AKAP7: variants seen among roughly 807,000 people sequenced by gnomAD.
AKAP7 encodes A-kinase anchoring protein 7, also known as A kinase (PRKA) anchor protein 7.
Under a neutral mutation model 39.5 loss-of-function variants are expected in AKAP7, and 39 were observed. The observed-to-expected ratio is 0.99, with a 90% CI of 0.76 to 1.29. The LOEUF (loss-of-function observed/expected upper bound fraction) is 1.29. Ranked by LOEUF, AKAP7 falls within the 50% of genes most tolerant of loss-of-function variation. AKAP7 has a pLI of 0.00. For synonymous variants in AKAP7, 140 were observed against 139.1 expected (o/e 1.01, Z -0.05); for missense variants, 414 against 407.7 (o/e 1.02, Z -0.13).
At chr6:131,206,189 T>A (rs760794071) in intron 6 of AKAP7, among the ~76,000 whole-genome samples, 10 of 152,358 alleles carry the variant, frequency 6.6e-5, no homozygotes, top group Non-Finnish European at 1.2e-4. Flanking sequence ...CAGTTGTTTT[T>A]AATCACAAAT....
intron 6 of AKAP7, among the ~76,000 whole-genome samples, chr6:131,202,927 C>A (rs139200908): frequency 6.6e-6 from 1 of 151,956 alleles, no homozygotes; most frequent in African/African-American, 2.4e-5. Flanking sequence ...TATGGGGATT[C>A]GCAAGTCAGC....
Position 131,178,306 on chromosome 6 carries a change from T to C in AKAP7, c.589+9033T>C, listed in dbSNP as rs184357730. ...TCCTTCAGTTTCTTTATTTGTGCAATGGGCATAATAGTAACCGTTCTGAAA... is the reference window on the plus strand; with the variant it reads ...TCCTTCAGTTTCTTTATTTGTGCAACGGGCATAATAGTAACCGTTCTGAAA... On this transcript the variant is annotated intron_variant, in intron 5 of 7. Transcript: ENST00000431975. 2.1e-3 allele frequency among the ~76,000 whole-genome samples: 324 copies of C among 152,266 alleles called. 1 individual carries two copies. The highest frequency in any genetic ancestry group is 7.5e-3 in the African/African-American group (312 of 41,556).
At chr6:131,159,626 G>C (rs916535786) in intron 2 of AKAP7, among the ~76,000 whole-genome samples, 2 of 152,184 alleles carry the variant, frequency 1.3e-5, no homozygotes, top group Non-Finnish European at 2.9e-5. Flanking sequence ...CCAAAACTTT[G>C]TGTGGCAGTA....
rs3777485 is a variant in AKAP7 at position 131,258,663 on chromosome 6, G to C, written c.851-22867G>C. 1.8e-4 allele frequency among the ~76,000 whole-genome samples: 27 copies of C among 152,272 alleles called. No individual in the cohort carries two copies. In the East Asian group the frequency reaches 5.2e-3, roughly 29 times the overall value. Reference sequence around the variant, plus strand: ...TCTTTGCCCTTAGCAAATAGTCATAGACAAAAGCGGAACTGTATGATGAAA... The same window carrying C: ...TCTTTGCCCTTAGCAAATAGTCATACACAAAAGCGGAACTGTATGATGAAA... On this transcript the variant is annotated intron_variant, in intron 7 of 7. Transcript: ENST00000431975.
In AKAP7 at chr6:131,194,903, C is replaced by G. The variant is rs191008362; in HGVS notation, c.590-4558C>G. Among the ~76,000 whole-genome samples the G allele has an allele frequency of 5.3e-5, 8 of 152,086 alleles. No homozygotes were observed. In the East Asian group the frequency reaches 1.5e-3, roughly 29 times the overall value. On this transcript the variant is annotated intron_variant, in intron 5 of 7. Coordinates refer to ENST00000431975, the MANE Select transcript of AKAP7 (RefSeq NM_016377.4). ...TGGCATGGGATTTCTTTTTTCTATC[C>G]TTTTTTTCCCAGTCTGTGTGCATCT...
intron 7 of AKAP7, among the ~76,000 whole-genome samples, chr6:131,264,506 A>T (rs1028094861): frequency 3.3e-5 from 5 of 152,218 alleles, no homozygotes; most frequent in Admixed American, 6.5e-5. Context: ...TTCAAGAAAT[A>T]TATTGTATAA....
chr6:131,158,307 C>T (rs1802604956), intron 2 of AKAP7, among the ~76,000 whole-genome samples: 2 of 152,076 alleles, frequency 1.3e-5, no homozygotes, highest in South Asian at 2.1e-4. Flanking sequence ...GTGGGTTGAG[C>T]CCAGACTTCT....
At chr6:131,252,301 C>T (rs1043776838) in intron 7 of AKAP7, among the ~76,000 whole-genome samples, 1 of 152,142 alleles carries the variant, frequency 6.6e-6, no homozygotes, top group Non-Finnish European at 1.5e-5. Flanking sequence ...AAATGAAGCC[C>T]GAGTCTGGAG....
intron 6 of AKAP7, among the ~76,000 whole-genome samples, chr6:131,211,748 G>A (rs1349681343): frequency 6.9e-6 from 1 of 145,468 alleles, no homozygotes; most frequent in East Asian, 2.0e-4. Context: ...ACTCCAGCCT[G>A]GGAGACAGAG....
At chr6:131,273,811 T>C (rs1239640358) in intron 7 of AKAP7, among the ~76,000 whole-genome samples, 10 of 152,184 alleles carry the variant, frequency 6.6e-5, no homozygotes. Flanking sequence ...GGTTTTTTCT[T>C]TGACATTTCT....
At chr6:131,250,229 T>TA in intron 7 of AKAP7, 1 of 1,034,986 alleles carries the variant, frequency 9.7e-7, no homozygotes, top group Non-Finnish European at 1.2e-6. Flanking sequence ...TAAAGACATA[T>TA]GCAAATAGCC....
At chr6:131,156,843 C>T (rs1028965437) in intron 2 of AKAP7, among the ~76,000 whole-genome samples, 6 of 150,902 alleles carry the variant, frequency 4.0e-5, no homozygotes, top group Non-Finnish European at 7.4e-5. Flanking sequence ...GGTGCAATTT[C>T]GGCTCCCTGC....
chr6:131,203,079 G>A (rs1415469271), intron 6 of AKAP7, among the ~76,000 whole-genome samples: 1 of 152,108 alleles, frequency 6.6e-6, no homozygotes, highest in Non-Finnish European at 1.5e-5. Flanking sequence ...CTTAAGACCT[G>A]CAGGCTTAAA....
At chr6:131,214,693 A>G (rs1046220545) in intron 6 of AKAP7, among the ~76,000 whole-genome samples, 2 of 152,204 alleles carry the variant, frequency 1.3e-5, no homozygotes, top group African/African-American at 2.4e-5. Context: ...CACTTGATTT[A>G]CTAATATTCA....
chr6:131,183,445 G>T (rs1454406293), intron 5 of AKAP7, among the ~76,000 whole-genome samples: 1 of 152,038 alleles, frequency 6.6e-6, no homozygotes, highest in African/African-American at 2.4e-5. Flanking sequence ...GGTCCAGGAA[G>T]AACAAAAAGG....
chr6:131,154,395 C>T (rs2128233948), intron 2 of AKAP7, among the ~76,000 whole-genome samples: 1 of 150,994 alleles, frequency 6.6e-6, no homozygotes. Flanking sequence ...GTACCTTTAC[C>T]ACAAATCACA....
intron 7 of AKAP7, among the ~76,000 whole-genome samples, chr6:131,232,566 C>T (rs1810711508): frequency 6.6e-6 from 1 of 152,106 alleles, no homozygotes; most frequent in Non-Finnish European, 1.5e-5. Flanking sequence ...TGGCTCACAC[C>T]TGTAATCACA....
At chr6:131,151,211 T>G (rs1275607624) in intron 2 of AKAP7, among the ~76,000 whole-genome samples, 1 of 151,218 alleles carries the variant, frequency 6.6e-6, no homozygotes, top group Non-Finnish European at 1.5e-5. Flanking sequence ...CTCAGCTAAT[T>G]TTTGTATTTT....
rs752803625 is a variant in AKAP7 at position 131,165,217 on chromosome 6, T to C, written c.428T>C (p.Ile143Thr). ...MQLLNEDEVN[I>T]GIDALLELKP... is the part of the protein sequence containing the mutation. ...TTATTAAATGAAGATGAAGTAAACATGTGAGTAATGTATCTTTCTTAAATA... is the reference window on the plus strand; with the variant it reads ...TTATTAAATGAAGATGAAGTAAACACGTGAGTAATGTATCTTTCTTAAATA... The change falls in exon 4 of 8, where the codon ATT (isoleucine) becomes ACT (threonine). Residue 143 changes from isoleucine (I) to threonine (T), a missense_variant and splice_region_variant. Physicochemically the swap from Ile to Thr is moderately conservative, Grantham distance 89 (BLOSUM62 -1). Transcript: ENST00000431975. The C allele has an allele frequency of 6.3e-7, 1 of 1,597,090 alleles. No individual in the cohort carries two copies. Among genetic ancestry groups the C allele is most frequent in the Admixed American group, 1.7e-5 (1 of 57,442 alleles).
Sources: gnomAD v4.1 joint callset for allele counts (sites outside exome capture counted in the v4.1 genomes callset) on GRCh38, gnomAD v4.1.1 for gene constraint, MANE v1.5 for transcripts, NCBI Gene and HGNC (gene_info 2026-07-23, HGNC 2026-07-21) for gene names.